Variants in TTLL5 observed in about 807,000 individuals in gnomAD.
The protein encoded by TTLL5 is tubulin polyglutamylase TTLL5.
A neutral mutation model predicts 168.4 loss-of-function variants in TTLL5; 132 were observed. The observed-to-expected ratio is 0.78, with a 90% CI of 0.68 to 0.91. The LOEUF is 0.91. Among genes scored for constraint, TTLL5 ranks in the 40% least tolerant of loss-of-function variants. The probability of loss-of-function intolerance (pLI) is 0.00; values close to 1 mark genes in which losing one functional copy is unlikely to be tolerated. For missense variants in TTLL5, 1,545 were observed against 1,581.5 expected (o/e 0.98, Z 0.39); for synonymous variants, 546 against 558.6 (o/e 0.98, Z 0.32).
chr14:75,890,775 A>T (rs529333878), intron 30 of TTLL5, among the ~76,000 whole-genome samples: 3 of 152,174 alleles, frequency 2.0e-5, no homozygotes, highest in South Asian at 4.1e-4. Flanking sequence ...GCTGGAGTGC[A>T]GTGGCGCGAT....
chr14:75,738,014 T>C (rs1889017248), intron 15 of TTLL5, among the ~76,000 whole-genome samples: 1 of 152,178 alleles, frequency 6.6e-6, no homozygotes, highest in African/African-American at 2.4e-5. Context: ...TGTTTTCACA[T>C]TGGGTGTAGG....
At chr14:75,953,837 A>G (rs1676837161) in intron 31 of TTLL5, among the ~76,000 whole-genome samples, 1 of 152,196 alleles carries the variant, frequency 6.6e-6, no homozygotes, top group Admixed American at 6.5e-5. Flanking sequence ...TTTAATTTGA[A>G]AAGGGAAAGA....
At chr14:75,747,479 T>G (rs1007764764) in intron 17 of TTLL5, among the ~76,000 whole-genome samples, 1 of 152,172 alleles carries the variant, frequency 6.6e-6, no homozygotes, top group Admixed American at 6.5e-5. Context: ...TGCTAGACAT[T>G]GCAGATGTTA....
chr14:75,677,161 ATAATT>A (rs1884228892), intron 3 of TTLL5, among the ~76,000 whole-genome samples: 1 of 152,102 alleles, frequency 6.6e-6, no homozygotes, highest in Non-Finnish European at 1.5e-5. Context: ...CTATATAAAA[ATAATT>A]TATACTGTGT....
intron 31 of TTLL5, among the ~76,000 whole-genome samples, chr14:75,925,836 G>A (rs2034035458): frequency 6.6e-6 from 1 of 152,038 alleles, no homozygotes; most frequent in Admixed American, 6.5e-5. Flanking sequence ...ATCACTCGCG[G>A]TTAGGAGCTG....
At chr14:75,925,543 C>G (rs2034017423) in intron 31 of TTLL5, among the ~76,000 whole-genome samples, 1 of 150,774 alleles carries the variant, frequency 6.6e-6, no homozygotes, top group Non-Finnish European at 1.5e-5. Flanking sequence ...GGCGGCTGGG[C>G]AGAGACGCTC....
Position 75,820,044 on chromosome 14 carries a change from G to A in TTLL5, c.3209G>A (p.Arg1070Lys), listed in dbSNP as rs780942626. ...AATTTGGCAACTGGCATCATAAACA[G>A]AAGCAGTGCTTCAGCTCCCCCAACC... The part of the protein sequence containing the change: ...NLNLATGIIN[R>K]SSASAPPTLR... Residue 1070 changes from arginine (R) to lysine (K), a missense_variant, in exon 28 of 32, where the codon AGA (arginine) becomes AAA (lysine). Arg to Lys is a conservative substitution (Grantham distance 26). Transcript: ENST00000298832. 2.5e-6 allele frequency: 4 copies of A among 1,606,756 alleles called. No homozygotes were observed. In the Admixed American group the frequency reaches 6.8e-5, roughly 27 times the overall value.
intron 7 of TTLL5, among the ~76,000 whole-genome samples, chr14:75,706,371 G>A (rs1209512740): frequency 6.6e-6 from 1 of 152,186 alleles, no homozygotes; most frequent in African/African-American, 2.4e-5. Flanking sequence ...TATGTGTTAT[G>A]TTCATCATGG....
At chr14:75,917,309 AGTAGCTTGTC>A (rs1474131036) in intron 31 of TTLL5, among the ~76,000 whole-genome samples, 2 of 152,246 alleles carry the variant, frequency 1.3e-5, no homozygotes, top group Non-Finnish European at 2.9e-5. Flanking sequence ...AGAGAAGTTA[AGTAGCTTGTC>A]CAAGCCACAC....
At chr14:75,888,960 GAGA>G (rs2032258568) in intron 30 of TTLL5, among the ~76,000 whole-genome samples, 1 of 150,018 alleles carries the variant, frequency 6.7e-6, no homozygotes, top group African/African-American at 2.4e-5. Flanking sequence ...AGGCTTCATG[GAGA>G]AGATTCAGAG....
chr14:75,813,977 A>G (rs900644912), intron 27 of TTLL5, among the ~76,000 whole-genome samples: 13 of 152,188 alleles, frequency 8.5e-5, no homozygotes, highest in African/African-American at 2.7e-4. Context: ...AACTGGCCCA[A>G]TGGCTATGAC....
At position 75,951,125 on chromosome 14, in the gene TTLL5, C is replaced by T. The variant is rs545816748; in HGVS notation, c.3824-3299C>T. 7.4e-4 allele frequency among the ~76,000 whole-genome samples: 112 copies of T among 152,122 alleles called. 2 individuals are homozygous for T. In the South Asian group the frequency reaches 0.022, roughly 30 times the overall value. On this transcript the variant is annotated intron_variant, in intron 31 of 31. Transcript: ENST00000298832. ...TTGGCAGGCTGAGGCAGGAGGCTCA[C>T]TTGAGCCCAGGAGTTTTAGACCAGG...
Position 75,745,228 on chromosome 14 carries a change from A to C in TTLL5, c.1395+20A>C, listed in dbSNP as rs778935412. ...GAGGAGGTAAAGATAAGTTCATTTT[A>C]GGCTTTTGTGGGTTAACACAGGGTT... On this transcript the variant is annotated intron_variant, in intron 16 of 31. Transcript: ENST00000298832. 5 of 1,611,330 alleles carry C rather than the reference A, an allele frequency of 3.1e-6. 1 individual carries two copies. Among genetic ancestry groups the C allele is most frequent in the East Asian group, 4.5e-5 (2 of 44,840 alleles).
chr14:75,700,484 C>G (rs1392743321), intron 7 of TTLL5, among the ~76,000 whole-genome samples: 1 of 151,920 alleles, frequency 6.6e-6, no homozygotes, highest in Non-Finnish European at 1.5e-5. Flanking sequence ...ACAGCTGCAG[C>G]CAACACACTG....
At chr14:75,924,604 G>T (rs1332047994) in intron 31 of TTLL5, among the ~76,000 whole-genome samples, 1 of 151,888 alleles carries the variant, frequency 6.6e-6, no homozygotes, top group Non-Finnish European at 1.5e-5. Flanking sequence ...TTGGGGGTAA[G>T]GTCACCGATC....
At chr14:75,767,491 G>A (rs112660389) in intron 20 of TTLL5, among the ~76,000 whole-genome samples, 162 of 152,330 alleles carry the variant, frequency 1.1e-3, no homozygotes, top group African/African-American at 3.7e-3. Flanking sequence ...GGAGTCAGTC[G>A]TGTGAATAGT....
chr14:75,781,702 C>T (rs1369997167), intron 24 of TTLL5, among the ~76,000 whole-genome samples: 3 of 152,144 alleles, frequency 2.0e-5, no homozygotes, highest in African/African-American at 7.2e-5. Flanking sequence ...CGCCTGTAAT[C>T]CCAGCACTTT....
chr14:75,733,894 T>G, intron 13 of TTLL5, 95 bp from the exon 14 acceptor site: 1 of 1,156,680 alleles, frequency 8.6e-7, no homozygotes, highest in East Asian at 2.4e-5. Flanking sequence ...TTCATTGACA[T>G]TTGGAAACTT....
At chr14:75,759,482 A>T (rs1420685675) in intron 18 of TTLL5, among the ~76,000 whole-genome samples, 1 of 152,162 alleles carries the variant, frequency 6.6e-6, no homozygotes, top group African/African-American at 2.4e-5. Flanking sequence ...AATCTTATAC[A>T]GATTCTTTTA....
Sources: gnomAD v4.1 joint callset for allele counts (sites outside exome capture counted in the v4.1 genomes callset) on GRCh38, gnomAD v4.1.1 for gene constraint, MANE v1.5 for transcripts, NCBI Gene and HGNC (gene_info 2026-07-23, HGNC 2026-07-21) for gene names.